The following FCHSD2 variants were observed in gnomAD, a reference collection of about 807,000 sequenced individuals.
FCHSD2 encodes the protein FCH and double SH3 domains 2.
Under a neutral mutation model 108.1 loss-of-function variants are expected in FCHSD2, and 38 were observed. The observed-to-expected ratio is 0.35, with a 90% CI of 0.27 to 0.46. The LOEUF is 0.46. Ranked by LOEUF, FCHSD2 falls within the 20% of genes least tolerant of loss-of-function variation. FCHSD2 has a pLI of 1.00. For missense variants in FCHSD2, 751 were observed against 897.8 expected (o/e 0.84, Z 2.09); for synonymous variants, 279 against 314.7 (o/e 0.89, Z 1.20).
At position 72,838,524 on chromosome 11, in the gene FCHSD2, A is replaced by G; in HGVS notation, c.*267T>C. ...ATATAAAAACAGACCACTGTTAGGC[A>G]TGAGGGCTGCCCCCCTCTTTGCTCC... On this transcript the variant is annotated 3_prime_UTR_variant, in exon 20 of 20. Transcript: ENST00000409418. 3.9e-6 allele frequency: 2 copies of G among 514,360 alleles called. No homozygotes were observed. Among genetic ancestry groups the G allele is most frequent in the Non-Finnish European group, 7.1e-6 (2 of 283,490 alleles). The allele number at this position is 514,360 out of a possible 1,614,324, so 31.9% of individuals were successfully genotyped here. A position where few individuals can be genotyped will look rare whatever the true frequency, so the allele number is the denominator to read the frequency against.
chr11:73,093,287 T>C (rs1205019080), intron 2 of FCHSD2, among the ~76,000 whole-genome samples: 1 of 152,194 alleles, frequency 6.6e-6, no homozygotes, highest in Non-Finnish European at 1.5e-5. Context: ...TCTTTAGCTA[T>C]AATAAATCAT....
chr11:72,890,406 C>A (rs1855289824), intron 10 of FCHSD2, among the ~76,000 whole-genome samples: 1 of 152,136 alleles, frequency 6.6e-6, no homozygotes, highest in Non-Finnish European at 1.5e-5. Flanking sequence ...GCAACACAAT[C>A]TTGCACCCCT....
Position 73,141,998 on chromosome 11 carries a change from G to A in FCHSD2, c.-121C>T, listed in dbSNP as rs1434496936. On this transcript the variant is annotated 5_prime_UTR_variant, in exon 1 of 20. Transcript: ENST00000409418. The stretch of plus-strand genomic sequence containing the variant: ...GCGCGTGTGTGAAAGGAGCGCTTAA[G>A]AAGCAAGACTTGCCCCGGAGGGAGC... 7.1e-6 allele frequency: 7 copies of A among 988,578 alleles called. No homozygotes were observed. Among genetic ancestry groups the A allele is most frequent in the Non-Finnish European group, 1.0e-5 (7 of 672,834 alleles). 61.2% of individuals were successfully genotyped at this position (988,578 alleles called of 1,614,324 possible).
chr11:72,982,795 T>G (rs993822360), intron 8 of FCHSD2, among the ~76,000 whole-genome samples: 8 of 152,178 alleles, frequency 5.3e-5, no homozygotes, highest in South Asian at 2.1e-4. Flanking sequence ...AATCATCAAA[T>G]AGTAATGTGC....
chr11:73,096,480 G>A (rs540986237), intron 2 of FCHSD2, among the ~76,000 whole-genome samples: 1 of 152,128 alleles, frequency 6.6e-6, no homozygotes, highest in African/African-American at 2.4e-5. Flanking sequence ...GAACACAGGA[G>A]GCAGAGGTTG....
chr11:72,853,710 GA>G (rs1318095769), intron 13 of FCHSD2, among the ~76,000 whole-genome samples: 1 of 151,648 alleles, frequency 6.6e-6, no homozygotes, highest in Non-Finnish European at 1.5e-5. Flanking sequence ...GGCAACAAAA[GA>G]AAAAAACAGA....
At chr11:73,088,959 T>C (rs1197396637) in intron 2 of FCHSD2, among the ~76,000 whole-genome samples, 1 of 152,214 alleles carries the variant, frequency 6.6e-6, no homozygotes, top group Non-Finnish European at 1.5e-5. Context: ...GAAAAAGGAA[T>C]AGCTTTTGTA....
At chr11:73,055,390 T>C (rs1859002144) in intron 3 of FCHSD2, among the ~76,000 whole-genome samples, 1 of 151,324 alleles carries the variant, frequency 6.6e-6, no homozygotes. Context: ...TAAATACTAA[T>C]AATTCAAATA....
At chr11:73,034,840 A>G (rs1377622466) in intron 3 of FCHSD2, among the ~76,000 whole-genome samples, 1 of 152,240 alleles carries the variant, frequency 6.6e-6, no homozygotes, top group Non-Finnish European at 1.5e-5. Context: ...TAGAAGGACT[A>G]AAAGTCAAAA....
At chr11:73,041,662 A>G (rs1858642264) in intron 3 of FCHSD2, among the ~76,000 whole-genome samples, 2 of 152,134 alleles carry the variant, frequency 1.3e-5, no homozygotes, top group South Asian at 4.1e-4. Context: ...TTAAACGAAT[A>G]CTTGCAAATA....
chr11:72,984,750 T>C (rs1249440993), intron 7 of FCHSD2, among the ~76,000 whole-genome samples: 1 of 152,194 alleles, frequency 6.6e-6, no homozygotes, highest in Non-Finnish European at 1.5e-5. Flanking sequence ...CTAAACGAAA[T>C]AGATTTTGTA....
chr11:72,919,154 C>CTT (rs937474045), intron 9 of FCHSD2, among the ~76,000 whole-genome samples: 3 of 152,042 alleles, frequency 2.0e-5, no homozygotes, highest in African/African-American at 4.8e-5. Flanking sequence ...TCAAACTTCC[C>CTT]TTTAGGTTGC....
intron 2 of FCHSD2, among the ~76,000 whole-genome samples, chr11:73,085,810 T>C (rs1276888090): frequency 6.6e-6 from 1 of 150,556 alleles, no homozygotes; most frequent in Non-Finnish European, 1.5e-5. Context: ...TAAAAAAAAA[T>C]GAGAGCAGAG....
At chr11:72,935,938 A>T (rs1014612211) in intron 8 of FCHSD2, among the ~76,000 whole-genome samples, 1 of 152,238 alleles carries the variant, frequency 6.6e-6, no homozygotes, top group African/African-American at 2.4e-5. Flanking sequence ...CAGATGTCTG[A>T]AAAAGGTCTG....
intron 2 of FCHSD2, among the ~76,000 whole-genome samples, chr11:73,129,120 C>T (rs1466770788): frequency 6.6e-6 from 1 of 152,196 alleles, no homozygotes; most frequent in African/African-American, 2.4e-5. Flanking sequence ...ATCTGCCCAC[C>T]TCGGCCTCCC....
At chr11:73,081,141 A>G (rs988217139) in intron 3 of FCHSD2, among the ~76,000 whole-genome samples, 5 of 152,338 alleles carry the variant, frequency 3.3e-5, no homozygotes, top group Non-Finnish European at 7.3e-5. Flanking sequence ...TTACTTGATT[A>G]AAACTTTAAA....
At chr11:73,063,315 T>A (rs937169206) in intron 3 of FCHSD2, among the ~76,000 whole-genome samples, 3 of 152,156 alleles carry the variant, frequency 2.0e-5, no homozygotes, top group Non-Finnish European at 4.4e-5. Flanking sequence ...GAACAACCGG[T>A]ACCAGCCACT....
chr11:72,893,263 A>G (rs1296977605), intron 10 of FCHSD2, among the ~76,000 whole-genome samples: 3 of 152,128 alleles, frequency 2.0e-5, no homozygotes, highest in Admixed American at 1.3e-4. Context: ...TTGGCCTCCC[A>G]AAGTGCTGGG....
At chr11:72,922,448 C>T (rs1369856020) in intron 8 of FCHSD2, among the ~76,000 whole-genome samples, 1 of 151,966 alleles carries the variant, frequency 6.6e-6, no homozygotes, top group East Asian at 1.9e-4. Context: ...CTCAGAGATA[C>T]TGCTTTGGGG....
Sources: gnomAD v4.1 joint callset for allele counts (sites outside exome capture counted in the v4.1 genomes callset) on GRCh38, gnomAD v4.1.1 for gene constraint, MANE v1.5 for transcripts, NCBI Gene and HGNC (gene_info 2026-07-23, HGNC 2026-07-21) for gene names.